Variants in PCDHGB1 observed in about 807,000 individuals in gnomAD.
PCDHGB1 encodes the protein protocadherin gamma subfamily B, 1.
In PCDHGB1, 34 loss-of-function variants were observed where a neutral mutation model predicts 56.6. The observed-to-expected ratio is 0.60, with a 90% confidence interval of 0.46 to 0.80. The LOEUF is 0.80. PCDHGB1 is among the 30% of genes least tolerant of loss of function. The probability of loss-of-function intolerance (pLI) is 0.00; values close to 1 mark genes in which losing one functional copy is unlikely to be tolerated. For missense variants in PCDHGB1, 1,278 were observed against 1,204.6 expected (o/e 1.06, Z -0.90); for synonymous variants, 561 against 505.9 (o/e 1.11, Z -1.46).
chr5:141,454,575 T>G (rs1430018751), intron 1 of PCDHGB1, among the ~76,000 whole-genome samples: 1 of 151,400 alleles, frequency 6.6e-6, no homozygotes, highest in African/African-American at 2.4e-5. Context: ...CCCGGCTAAT[T>G]TTGTATTTTT....
At chr5:141,483,937 C>T (rs964918788) in intron 1 of PCDHGB1, among the ~76,000 whole-genome samples, 1 of 130,444 alleles carries the variant, frequency 7.7e-6, no homozygotes, top group African/African-American at 2.9e-5. Flanking sequence ...TAGGTACCTA[C>T]GGTGTGAATT....
Position 141,485,792 on chromosome 5 carries a change from G to T in PCDHGB1, c.2410-9015G>T, listed in dbSNP as rs114766079. 6.2e-6 allele frequency: 10 copies of T among 1,614,118 alleles called. No individual in the cohort carries two copies. In the Admixed American group the frequency reaches 1.3e-4, roughly 22 times the overall value. ...GCCTTTGGATCGAGAGAAGCAATCG[G>T]ACTACCGCCTGGTGCTGACTGCTGT... On this transcript the variant is annotated intron_variant, in intron 1 of 3. Transcript: ENST00000523390. This position sits in a 1 kb window ranked among gnomAD's most constrained non-coding sequence, Gnocchi z 5.7.
Position 141,489,772 on chromosome 5 carries a change from T to C in PCDHGB1, c.2410-5035T>C, listed in dbSNP as rs1327700197. 6.2e-7 allele frequency: 1 copy of C among 1,614,154 alleles called. No individual in the cohort carries two copies. The highest frequency in any genetic ancestry group is 8.5e-7 in the Non-Finnish European group (1 of 1,179,994). ...TTACACTCTAAGCCCCAACAGCCAC[T>C]TCTCTCTGAATGTGAAGACCCTAAA... On this transcript the variant is annotated intron_variant, in intron 1 of 3. Coordinates refer to ENST00000523390, the MANE Select transcript of PCDHGB1 (RefSeq NM_018922.3). This position sits in a 1 kb window ranked among gnomAD's most constrained non-coding sequence, Gnocchi z 4.5.
intron 1 of PCDHGB1, chr5:141,374,180 T>C (rs1347088415): frequency 6.2e-7 from 1 of 1,613,682 alleles, no homozygotes; most frequent in Non-Finnish European, 8.5e-7. Context: ...GCAGATCCGC[T>C]ACTCTATTCC....
chr5:141,422,633 G>T lies in PCDHGB1; in HGVS notation c.2409+69964G>T, dbSNP rs769515606. 10 of 1,613,120 alleles carry T rather than the reference G, an allele frequency of 6.2e-6. No individual in the cohort carries two copies. In the East Asian group the frequency reaches 2.0e-4, roughly 32 times the overall value. ...TACATTCCCGAAAACAACCCCAGGG[G>T]TGCCTCCATCTTCTCAGTGACCGCC... On this transcript the variant is annotated intron_variant, in intron 1 of 3. Coordinates refer to ENST00000523390, the MANE Select transcript of PCDHGB1 (RefSeq NM_018922.3).
At chr5:141,376,441 G>C in intron 1 of PCDHGB1, 3 of 1,614,206 alleles carry the variant, frequency 1.9e-6, no homozygotes, top group Non-Finnish European at 2.5e-6. Flanking sequence ...AGAGCTATGA[G>C]AAAAGCGAGC....
At chr5:141,429,037 G>A (rs1404164429) in intron 1 of PCDHGB1, 1 of 152,054 alleles carries the variant, frequency 6.6e-6, no homozygotes, top group African/African-American at 2.4e-5. Flanking sequence ...TGCATTTTTA[G>A]TACAGACGGG....
At chr5:141,356,693 G>A in intron 1 of PCDHGB1, 1 of 1,613,962 alleles carries the variant, frequency 6.2e-7, no homozygotes, top group Middle Eastern at 1.6e-4. Context: ...ACCTTCCAGG[G>A]TGCACCTCTG....
chr5:141,372,210 T>C lies in PCDHGB1; in HGVS notation c.2409+19541T>C, dbSNP rs763593596. ...CTCGGGATACAACGCCTGGCTGTCC[T>C]ACCACATTGTGCAGGCCAGCGAGCC... On this transcript the variant is annotated intron_variant, in intron 1 of 3. Transcript: ENST00000523390. The C allele has an allele frequency of 2.0e-5, 33 of 1,613,456 alleles. No homozygotes were observed. In the South Asian group the frequency reaches 2.9e-4, roughly 14 times the overall value.
chr5:141,415,602 A>G (rs1208876851), intron 1 of PCDHGB1: 2 of 1,613,602 alleles, frequency 1.2e-6, no homozygotes, highest in African/African-American at 2.7e-5. Flanking sequence ...AGGATACCCC[A>G]TTGGTTCCAG....
At chr5:141,355,744 G>A (rs1302771469) in intron 1 of PCDHGB1, 1 of 1,613,960 alleles carries the variant, frequency 6.2e-7, no homozygotes, top group Non-Finnish European at 8.5e-7. Context: ...TTCCCTGGAC[G>A]TGCAAAGTGG....
chr5:141,400,593 T>C (rs768255831), intron 1 of PCDHGB1: 1 of 1,602,992 alleles, frequency 6.2e-7, no homozygotes, highest in Admixed American at 1.7e-5. Flanking sequence ...GAAACTATCG[T>C]ACATTTTCAA....
intron 2 of PCDHGB1, among the ~76,000 whole-genome samples, chr5:141,500,023 G>C (rs1393994881): frequency 1.3e-5 from 2 of 151,754 alleles, no homozygotes; most frequent in Admixed American, 6.6e-5. Flanking sequence ...TTTTATATTT[G>C]AGTGAGTGTC....
chr5:141,383,239 A>T, intron 1 of PCDHGB1: 1 of 1,613,966 alleles, frequency 6.2e-7, no homozygotes, highest in South Asian at 1.1e-5. Flanking sequence ...GGAAGATAAA[A>T]TGAATCTTTA....
At chr5:141,419,723 C>G (rs373666366) in intron 1 of PCDHGB1, 1 of 1,613,174 alleles carries the variant, frequency 6.2e-7, no homozygotes, top group African/African-American at 1.3e-5. Context: ...CCTGGGGCTG[C>G]GAACAGGCGA....
chr5:141,423,335 G>T (rs781241820), intron 1 of PCDHGB1: 11 of 1,614,046 alleles, frequency 6.8e-6, no homozygotes, highest in Non-Finnish European at 9.3e-6. Context: ...GCAGTCTCCT[G>T]CATCTTCCTG....
rs3763123 is a variant in PCDHGB1 at position 141,385,542 on chromosome 5, A to C, written c.2409+32873A>C. On this transcript the variant is annotated intron_variant, in intron 1 of 3. Coordinates refer to ENST00000523390, the MANE Select transcript of PCDHGB1 (RefSeq NM_018922.3). Reference sequence around the variant, plus strand: ...TATGGACAAGATTATGAATATGTGGACTATCACATTTTATAATTTCCACCT... The same window carrying C: ...TATGGACAAGATTATGAATATGTGGCCTATCACATTTTATAATTTCCACCT... 2.0e-3 allele frequency: 2,591 copies of C among 1,327,546 alleles called. 44 individuals carry two copies. The African/African-American group carries it at 0.033, about 17-fold the overall frequency. The allele number at this position is 1,327,546 out of a possible 1,614,324, so 82.2% of individuals were successfully genotyped here. A position where few individuals can be genotyped will look rare whatever the true frequency, so the allele number is the denominator to read the frequency against.
At chr5:141,414,137 T>C in intron 1 of PCDHGB1, 1 of 1,595,618 alleles carries the variant, frequency 6.3e-7, no homozygotes, top group South Asian at 1.1e-5. Context: ...TTCTATGAAA[T>C]AGAAATACAA....
At chr5:141,453,552 A>G (rs1005017830) in intron 1 of PCDHGB1, among the ~76,000 whole-genome samples, 2 of 152,188 alleles carry the variant, frequency 1.3e-5, no homozygotes, top group Non-Finnish European at 2.9e-5. Flanking sequence ...CACACTCTGT[A>G]GATAATCGAT....
Sources: allele counts gnomAD v4.1 joint callset (sites outside exome capture counted in the v4.1 genomes callset), GRCh38; gene constraint gnomAD v4.1.1; non-coding constraint Gnocchi (gnomAD v3.1); transcripts MANE v1.5; gene names NCBI Gene and HGNC (gene_info 2026-07-23, HGNC 2026-07-21).